The following SLC35F4 variants were observed in gnomAD, a reference collection of about 807,000 sequenced individuals.
SLC35F4 encodes solute carrier family 35 member F4.
SLC35F4 carries 24 observed loss-of-function variants against 44.2 expected under a neutral mutation model. That is an observed-to-expected ratio of 0.54 (90% CI 0.39 to 0.76). The LOEUF (loss-of-function observed/expected upper bound fraction) is 0.76. SLC35F4 is among the 30% of genes least tolerant of loss of function. SLC35F4 has a pLI of 0.00. For synonymous variants in SLC35F4, 238 were observed against 223.6 expected (o/e 1.06, Z -0.57); for missense variants, 562 against 586.1 (o/e 0.96, Z 0.42).
chr14:57,900,451 AC>A (rs571530034), intron 1 of SLC35F4, among the ~76,000 whole-genome samples: 88 of 151,996 alleles, frequency 5.8e-4, no homozygotes, highest in South Asian at 1.2e-3. Flanking sequence ...CCCACACACA[AC>A]CTGGACCTGG....
chr14:57,827,256 G>A (rs572831357), intron 1 of SLC35F4, among the ~76,000 whole-genome samples: 66 of 152,268 alleles, frequency 4.3e-4, no homozygotes, highest in Non-Finnish European at 7.8e-4. Context: ...ACAAACGCAG[G>A]AACAGGAAAA....
At chr14:57,878,177 C>T (rs1888442358) in intron 1 of SLC35F4, among the ~76,000 whole-genome samples, 1 of 151,914 alleles carries the variant, frequency 6.6e-6, no homozygotes, top group Admixed American at 6.6e-5. Flanking sequence ...TTGCTTTTTG[C>T]TTGTTAAGTT....
At chr14:57,728,441 C>CTTTTTTTTTTTTTTTTTTTTTT (rs869064667) in intron 1 of SLC35F4, among the ~76,000 whole-genome samples, 1 of 59,026 alleles carries the variant, frequency 1.7e-5, no homozygotes, top group Admixed American at 2.7e-4. Flanking sequence ...TTCTTTCTTT[C>CTTTTTTTTTTTTTTTTTTTTTT]TTTTTTTTTT....
chr14:57,611,983 T>G (rs956120432), intron 1 of SLC35F4, among the ~76,000 whole-genome samples: 1 of 152,210 alleles, frequency 6.6e-6, no homozygotes, highest in Non-Finnish European at 1.5e-5. Context: ...AGCCTCATAA[T>G]CTCCAGCTTT....
rs766389490 is a variant in SLC35F4, at chr14:57,571,987, A to G, written c.840T>C (p.Ile280=). ...IVAAIMAITG[I]VMMAYADNFH... is the part of the protein sequence containing the mutation. ...AATTATCTGCATATGCCATCATGACAATGCCGGTAATTGCCATTATTGCAG... is the reference window on the plus strand; with the variant it reads ...AATTATCTGCATATGCCATCATGACGATGCCGGTAATTGCCATTATTGCAG... Residue 280 remains isoleucine, a synonymous_variant, in exon 5 of 8, where the codon ATT becomes ATC. Coordinates refer to ENST00000556826, the MANE Select transcript of SLC35F4 (RefSeq NM_001306087.2). 1.1e-4 allele frequency: 175 copies of G among 1,611,476 alleles called. 1 individual carries two copies. In the Admixed American group the frequency reaches 2.9e-3, roughly 27 times the overall value.
chr14:57,914,521 C>A (rs1261210946), intron 1 of SLC35F4, among the ~76,000 whole-genome samples: 1 of 152,026 alleles, frequency 6.6e-6, no homozygotes, highest in Non-Finnish European at 1.5e-5. Flanking sequence ...CGAGATCGCG[C>A]CACTGCACTC....
intron 1 of SLC35F4, among the ~76,000 whole-genome samples, chr14:57,634,247 G>C (rs140190266): frequency 6.6e-6 from 1 of 152,098 alleles, no homozygotes; most frequent in African/African-American, 2.4e-5. Flanking sequence ...TAAAATGTAA[G>C]TTGTGATAAG....
chr14:57,598,731 G>C (rs924420170), intron 1 of SLC35F4, among the ~76,000 whole-genome samples: 2 of 152,132 alleles, frequency 1.3e-5, no homozygotes, highest in African/African-American at 4.8e-5. Flanking sequence ...AAAACAACTG[G>C]CTTTACTAAG....
rs1303982042 is a variant in SLC35F4 at position 57,860,224 on chromosome 14, A to G, written c.103+5499T>C. On this transcript the variant is annotated intron_variant, in intron 1 of 7. Transcript: ENST00000556826. ...ATGATACCAGAGCTGGTACCCAAGT[A>G]AAAGGGAAAATATTTACTACAAATT... Among the ~76,000 whole-genome samples the G allele has an allele frequency of 3.3e-5, 5 of 152,310 alleles. No individual in the cohort carries two copies. The South Asian group carries it at 1.0e-3, about 32-fold the overall frequency.
intron 1 of SLC35F4, among the ~76,000 whole-genome samples, chr14:57,656,889 A>G (rs971853894): frequency 3.3e-5 from 5 of 152,150 alleles, no homozygotes; most frequent in Non-Finnish European, 5.9e-5. Flanking sequence ...GAGTGTAAAT[A>G]ATTTAACACA....
intron 1 of SLC35F4, chr14:57,630,444 G>C (rs772989286): frequency 6.8e-6 from 5 of 740,080 alleles, no homozygotes; most frequent in African/African-American, 5.2e-5. Flanking sequence ...TCAAGATCAC[G>C]GTCCAAGTCC....
chr14:57,963,080 G>A (rs955483284), intron 1 of SLC35F4, among the ~76,000 whole-genome samples: 3 of 152,186 alleles, frequency 2.0e-5, no homozygotes, highest in African/African-American at 7.2e-5. Flanking sequence ...GTTGCTCAAA[G>A]GTCACTCCTT....
At chr14:57,635,387 C>T (rs1363680715) in intron 1 of SLC35F4, among the ~76,000 whole-genome samples, 1 of 151,962 alleles carries the variant, frequency 6.6e-6, no homozygotes, top group African/African-American at 2.4e-5. Flanking sequence ...GGAGACTAAG[C>T]GGCTGATTTC....
chr14:57,717,148 A>C (rs1431825019), intron 1 of SLC35F4, among the ~76,000 whole-genome samples: 3 of 152,202 alleles, frequency 2.0e-5, no homozygotes, highest in Non-Finnish European at 2.9e-5. Context: ...ATTATTGTGA[A>C]TAGTGCTATG....
intron 1 of SLC35F4, among the ~76,000 whole-genome samples, chr14:57,789,412 C>T (rs1161414672): frequency 6.6e-6 from 1 of 152,146 alleles, no homozygotes. Flanking sequence ...TGGATAAATT[C>T]CTGGACACAT....
intron 2 of SLC35F4, among the ~76,000 whole-genome samples, chr14:57,592,321 T>A (rs2070241243): frequency 1.3e-5 from 2 of 152,246 alleles, no homozygotes; most frequent in Admixed American, 6.5e-5. Flanking sequence ...CTCATAGGAT[T>A]TATTTTGAGA....
chr14:57,860,327 A>G (rs1295975825), intron 1 of SLC35F4, among the ~76,000 whole-genome samples: 1 of 152,228 alleles, frequency 6.6e-6, no homozygotes, highest in Non-Finnish European at 1.5e-5. Context: ...ACAGGTACAA[A>G]GGCACAAAAC....
intron 1 of SLC35F4, among the ~76,000 whole-genome samples, chr14:57,741,969 A>C (rs1384897456): frequency 6.6e-6 from 1 of 152,216 alleles, no homozygotes; most frequent in Non-Finnish European, 1.5e-5. Flanking sequence ...TATCAGGCCA[A>C]ACTACGCTTC....
At chr14:57,615,991 A>C (rs1002548988) in intron 1 of SLC35F4, among the ~76,000 whole-genome samples, 1 of 152,202 alleles carries the variant, frequency 6.6e-6, no homozygotes, top group Admixed American at 6.5e-5. Context: ...TACATTTAAA[A>C]TTGGAAAATA....
Sources: gnomAD v4.1 joint callset for allele counts (sites outside exome capture counted in the v4.1 genomes callset) on GRCh38, gnomAD v4.1.1 for gene constraint, MANE v1.5 for transcripts, NCBI Gene and HGNC (gene_info 2026-07-23, HGNC 2026-07-21) for gene names.